CTNNA3: variants seen among roughly 807,000 people sequenced by gnomAD.
The protein encoded by CTNNA3 is catenin alpha-3.
Under a neutral mutation model 95.7 loss-of-function variants are expected in CTNNA3, and 76 were observed. The observed-to-expected ratio is 0.79, with a 90% CI of 0.66 to 0.96. The LOEUF is 0.96. Among genes scored for constraint, CTNNA3 ranks in the 40% least tolerant of loss-of-function variants. The pLI is 0.00. For missense variants in CTNNA3, 1,191 were observed against 1,089.8 expected, an observed-to-expected ratio of 1.09 and a Z score of -1.31; for synonymous variants, 431 against 374.4, an observed-to-expected ratio of 1.15 and a Z score of -1.74.
At chr10:67,028,070 C>T (rs1201396303) in intron 7 of CTNNA3, among the ~76,000 whole-genome samples, 1 of 152,132 alleles carries the variant, frequency 6.6e-6, no homozygotes, top group Admixed American at 6.6e-5. Context: ...TATCCAAGGT[C>T]ACACTGCTAT....
At chr10:67,004,461 C>CA (rs1851861125) in intron 7 of CTNNA3, among the ~76,000 whole-genome samples, 1 of 152,056 alleles carries the variant, frequency 6.6e-6, no homozygotes, top group Non-Finnish European at 1.5e-5. Context: ...TCTGATACTT[C>CA]ATCTCTGTTA....
intron 7 of CTNNA3, among the ~76,000 whole-genome samples, chr10:66,834,628 A>C (rs1175632107): frequency 1.3e-5 from 2 of 152,230 alleles, no homozygotes; most frequent in African/African-American, 4.8e-5. Flanking sequence ...GACTTTAAGA[A>C]ATGAAACAGT....
At chr10:67,563,262 A>C (rs1266557762) in intron 3 of CTNNA3, among the ~76,000 whole-genome samples, 1 of 152,198 alleles carries the variant, frequency 6.6e-6, no homozygotes, top group Non-Finnish European at 1.5e-5. Context: ...ACAGTAACCA[A>C]AACAGCATGG....
chr10:66,402,013 C>T (rs143060120), intron 11 of CTNNA3, among the ~76,000 whole-genome samples: 174 of 151,910 alleles, frequency 1.1e-3, no homozygotes, highest in African/African-American at 4.1e-3. Context: ...ATAGCTCCAC[C>T]GATAGTGAGG....
chr10:67,161,950 T>G (rs971797483), intron 7 of CTNNA3, among the ~76,000 whole-genome samples: 1 of 152,082 alleles, frequency 6.6e-6, no homozygotes, highest in Non-Finnish European at 1.5e-5. Context: ...TTACATAATA[T>G]TAAGAGTCAA....
chr10:66,825,632 A>C (rs2132304371), intron 7 of CTNNA3, among the ~76,000 whole-genome samples: 1 of 152,294 alleles, frequency 6.6e-6, no homozygotes, highest in South Asian at 2.1e-4. Context: ...GTTAAAAACA[A>C]AAGTCTTCAA....
chr10:67,528,055 C>T (rs1009572890), intron 4 of CTNNA3, among the ~76,000 whole-genome samples: 3 of 152,172 alleles, frequency 2.0e-5, no homozygotes, highest in Non-Finnish European at 4.4e-5. Flanking sequence ...CCTGGTTTGG[C>T]TCCTTCTGAC....
intron 5 of CTNNA3, among the ~76,000 whole-genome samples, chr10:67,304,511 T>A (rs1301759882): frequency 1.3e-5 from 2 of 152,194 alleles, no homozygotes; most frequent in South Asian, 4.1e-4. Context: ...CTGATTATTA[T>A]GAATGTGTCC....
chr10:67,672,470 T>C (rs922815444), intron 1 of CTNNA3, among the ~76,000 whole-genome samples: 3 of 152,332 alleles, frequency 2.0e-5, no homozygotes, highest in African/African-American at 7.2e-5. Flanking sequence ...CTAGGTTTTC[T>C]TCTAGGGTTT....
chr10:65,914,357 A>T lies in CTNNA3; in HGVS notation c.*5973T>A, dbSNP rs1362288103. 1 of 152,124 alleles carries T rather than the reference A, an allele frequency of 6.6e-6. No homozygotes were observed. Among genetic ancestry groups the T allele is most frequent in the East Asian group, 1.9e-4 (1 of 5,174 alleles). 9.4% of individuals were successfully genotyped at this position (152,124 alleles called of 1,614,324 possible). A position where few individuals can be genotyped will look rare whatever the true frequency, so the allele number is the denominator to read the frequency against. On this transcript the variant is annotated 3_prime_UTR_variant, in exon 18 of 18. Transcript: ENST00000433211. ...TTTCTTATGTGGCTCCACCGTAAGA[A>T]ATATCAGAAAGTCATTTAACTCTCC... is the stretch of plus-strand genomic sequence containing the variant.
chr10:66,259,135 A>G (rs2090902074), intron 13 of CTNNA3, among the ~76,000 whole-genome samples: 2 of 152,134 alleles, frequency 1.3e-5, no homozygotes, highest in Admixed American at 1.3e-4. Context: ...GATTCCACCT[A>G]CAGATGACTA....
intron 6 of CTNNA3, among the ~76,000 whole-genome samples, chr10:67,193,150 T>C (rs552369658): frequency 6.6e-6 from 1 of 152,028 alleles, no homozygotes; most frequent in East Asian, 1.9e-4. Context: ...GGGGGCAAAC[T>C]TTCAGTTATA....
rs535079132 is a variant in CTNNA3, at chr10:67,049,251, C to T, written c.1047+131066G>A. Reference sequence around the variant, plus strand: ...GTTATTTCCATATTGATCATGTAGACCGTGCCTGATAAGGTAAGAGGTCTA... The same window carrying T: ...GTTATTTCCATATTGATCATGTAGATCGTGCCTGATAAGGTAAGAGGTCTA... On this transcript the variant is annotated intron_variant, in intron 7 of 17. Coordinates refer to ENST00000433211, the MANE Select transcript of CTNNA3 (RefSeq NM_013266.4). Among the ~76,000 whole-genome samples the T allele has an allele frequency of 6.1e-4, 93 of 152,096 alleles. 1 individual carries two copies. Among genetic ancestry groups the T allele is most frequent in the Admixed American group, 4.0e-3 (61 of 15,262 alleles).
At chr10:66,745,734 C>T (rs928722231) in intron 9 of CTNNA3, among the ~76,000 whole-genome samples, 2 of 149,934 alleles carry the variant, frequency 1.3e-5, no homozygotes, top group African/African-American at 4.9e-5. Context: ...GGACTACAGG[C>T]GCACATCACC....
chr10:66,335,987 G>T (rs2092390856), intron 12 of CTNNA3, among the ~76,000 whole-genome samples: 1 of 152,112 alleles, frequency 6.6e-6, no homozygotes, highest in African/African-American at 2.4e-5. Flanking sequence ...AGCCTGCTGT[G>T]CTAGCAATGA....
intron 7 of CTNNA3, among the ~76,000 whole-genome samples, chr10:66,874,472 A>G (rs1182567756): frequency 6.6e-6 from 1 of 152,214 alleles, no homozygotes. Context: ...CTATGCAAAG[A>G]TATTAGCTAT....
intron 5 of CTNNA3, among the ~76,000 whole-genome samples, chr10:67,521,567 AAAGGGTAGTT>A (rs1352063055): frequency 6.8e-4 from 103 of 152,270 alleles, no homozygotes; most frequent in African/African-American, 2.1e-3. Flanking sequence ...GTCCCTAGTC[AAAGGGTAGTT>A]GGATTTTCAC....
chr10:66,123,966 G>T (rs1227623229), intron 13 of CTNNA3, among the ~76,000 whole-genome samples: 1 of 151,948 alleles, frequency 6.6e-6, no homozygotes, highest in African/African-American at 2.4e-5. Flanking sequence ...GAAGACCTCT[G>T]ACATACCCTG....
intron 11 of CTNNA3, among the ~76,000 whole-genome samples, chr10:66,489,624 A>G (rs1293875397): frequency 4.6e-5 from 7 of 152,204 alleles, no homozygotes; most frequent in Admixed American, 3.9e-4. Flanking sequence ...AAACACACAC[A>G]GAGCTAAAGA....
Sources: gnomAD v4.1 joint callset for allele counts (sites outside exome capture counted in the v4.1 genomes callset) on GRCh38, gnomAD v4.1.1 for gene constraint, MANE v1.5 for transcripts, NCBI Gene and HGNC (gene_info 2026-07-23, HGNC 2026-07-21) for gene names.